The following BMP7 variants were observed in gnomAD, a reference collection of about 807,000 sequenced individuals.
The protein encoded by BMP7 is osteogenic protein 1.
A neutral mutation model predicts 41.2 loss-of-function variants in BMP7; 12 were observed. The observed-to-expected ratio is 0.29, with a 90% CI of 0.19 to 0.47. The LOEUF is 0.47. Ranked by LOEUF, BMP7 falls within the 20% of genes least tolerant of loss-of-function variation. The pLI is 0.99. For synonymous variants in BMP7, 248 were observed against 250.0 expected (o/e 0.99, Z 0.07); for missense variants, 467 against 606.0 (o/e 0.77, Z 2.41).
chr20:57,246,964 G>A (rs1165391878), intron 1 of BMP7, among the ~76,000 whole-genome samples: 2 of 150,144 alleles, frequency 1.3e-5, no homozygotes, highest in African/African-American at 5.0e-5. Flanking sequence ...ATTCCAGCCT[G>A]GGTGACAGAG....
chr20:57,224,024 G>T lies in BMP7; in HGVS notation c.611+4205C>A, dbSNP rs1042295295. On this transcript the variant is annotated intron_variant, in intron 2 of 6. Coordinates refer to ENST00000395863, the MANE Select transcript of BMP7 (RefSeq NM_001719.3). This position sits in a 1 kb window ranked among gnomAD's most constrained non-coding sequence, Gnocchi z 4.8. ...CAGGTTTATGGACCAAAATCATCACGGCGTCCCCAGGGAGCTTCTCAGAAA... is the reference window on the plus strand; with the variant it reads ...CAGGTTTATGGACCAAAATCATCACTGCGTCCCCAGGGAGCTTCTCAGAAA... Among the ~76,000 whole-genome samples, 16 of 152,162 alleles carry T rather than the reference G, an allele frequency of 1.1e-4. No homozygotes were observed. Among genetic ancestry groups the T allele is most frequent in the African/African-American group, 3.6e-4 (15 of 41,440 alleles).
rs141447683 is a variant in BMP7, at chr20:57,176,904, A to T, written c.959-1897T>A. On this transcript the variant is annotated intron_variant, in intron 4 of 6. Coordinates refer to ENST00000395863, the MANE Select transcript of BMP7 (RefSeq NM_001719.3). ...TTTTGGCTTTTCTCTGATTCATGAG[A>T]ATTCTATCTGCATAGCTTCTAGGAT... 2.2e-3 allele frequency among the ~76,000 whole-genome samples: 328 copies of T among 152,314 alleles called. 2 individuals are homozygous for T. The highest frequency in any genetic ancestry group is 0.01 in the Middle Eastern group (3 of 294).
chr20:57,204,204 C>T (rs187041575), intron 2 of BMP7, among the ~76,000 whole-genome samples: 1 of 152,184 alleles, frequency 6.6e-6, no homozygotes, highest in Non-Finnish European at 1.5e-5. Context: ...CACTAAGCCA[C>T]GGGCAGGAGC....
rs758852938 is a variant in BMP7, at chr20:57,265,739, G to T, written c.384C>A (p.Thr128=). The change falls in exon 1 of 7, where the codon ACC becomes ACA. Residue 128 remains threonine, a synonymous_variant. Coordinates refer to ENST00000395863, the MANE Select transcript of BMP7 (RefSeq NM_001719.3). ...LASLQDSHFL[T]DADMVMSFVN... ...CGAAGCTCATGACCATGTCGGCGTC[G>T]GTGAGGAAATGGCTATCTTGCAGGC... 4.3e-6 allele frequency: 7 copies of T among 1,609,718 alleles called. No homozygotes were observed. The highest frequency in any genetic ancestry group is 5.9e-6 in the Non-Finnish European group (7 of 1,178,174).
chr20:57,222,526 C>A (rs1420781836), intron 2 of BMP7, among the ~76,000 whole-genome samples: 1 of 152,090 alleles, frequency 6.6e-6, no homozygotes, highest in Non-Finnish European at 1.5e-5. Flanking sequence ...GCCTGCCACT[C>A]CCTCTCAGGC....
chr20:57,228,175 C>T lies in BMP7; in HGVS notation c.611+54G>A. On this transcript the variant is annotated intron_variant, in intron 2 of 6. Coordinates refer to ENST00000395863, the MANE Select transcript of BMP7 (RefSeq NM_001719.3). This position sits in a 1 kb window ranked among gnomAD's most constrained non-coding sequence, Gnocchi z 4.5. ...TCCTCTGGCCCTCACCACCTTCTTC[C>T]TCTGCCCCCAGAGGAAACTCAGCAC... 1 of 1,591,578 alleles carries T rather than the reference C, an allele frequency of 6.3e-7. No homozygotes were observed. The highest frequency in any genetic ancestry group is 8.6e-7 in the Non-Finnish European group (1 of 1,161,574).
At chr20:57,230,956 C>T (rs1239233383) in intron 1 of BMP7, among the ~76,000 whole-genome samples, 15 of 152,266 alleles carry the variant, frequency 9.9e-5, no homozygotes, top group African/African-American at 3.4e-4. Flanking sequence ...GGATTACAGG[C>T]GTGAGCCACC....
intron 1 of BMP7, among the ~76,000 whole-genome samples, chr20:57,252,694 G>T (rs1314743092): frequency 2.6e-5 from 4 of 152,180 alleles, no homozygotes; most frequent in Non-Finnish European, 4.4e-5. Flanking sequence ...CTCGAGTTTT[G>T]ATTGCAATCT....
At position 57,184,541 on chromosome 20, in the gene BMP7, C is replaced by T. The variant is rs535549950; in HGVS notation, c.761-622G>A. Among the ~76,000 whole-genome samples the T allele has an allele frequency of 7.9e-5, 12 of 152,192 alleles. No homozygotes were observed. In the South Asian group the frequency reaches 2.5e-3, roughly 32 times the overall value. Reference sequence around the variant, plus strand: ...GGGGCAGTAGGGGCACGAGTCAGGTCGGGTCCTATGGGCAACACGAGCACC... The same window carrying T: ...GGGGCAGTAGGGGCACGAGTCAGGTTGGGTCCTATGGGCAACACGAGCACC... On this transcript the variant is annotated intron_variant, in intron 3 of 6. Transcript: ENST00000395863.
chr20:57,195,491 C>T (rs1034864374), intron 3 of BMP7, among the ~76,000 whole-genome samples: 8 of 152,256 alleles, frequency 5.3e-5, no homozygotes, highest in African/African-American at 1.2e-4. Context: ...GACCGATCCC[C>T]GCCACTGGGT....
chr20:57,213,481 T>C lies in BMP7; in HGVS notation c.612-10858A>G, dbSNP rs980783434. On this transcript the variant is annotated intron_variant, in intron 2 of 6. Coordinates refer to ENST00000395863, the MANE Select transcript of BMP7 (RefSeq NM_001719.3). The surrounding 1 kb of genome is among the most constrained non-coding windows in gnomAD (Gnocchi z 4.4). ...TAGAGATGTCATAATGCACCTTAGC[T>C]CTTTAAAGGCTCTGAAAAGTCCTGC... Among the ~76,000 whole-genome samples the C allele has an allele frequency of 6.6e-6, 1 of 152,190 alleles. No individual in the cohort carries two copies. The highest frequency in any genetic ancestry group is 1.5e-5 in the Non-Finnish European group (1 of 68,042).
chr20:57,189,153 G>A (rs1054677309), intron 3 of BMP7, among the ~76,000 whole-genome samples: 1 of 152,242 alleles, frequency 6.6e-6, no homozygotes, highest in African/African-American at 2.4e-5. Context: ...TCAAATGCCT[G>A]ACTATAGTCA....
chr20:57,201,293 T>G (rs552740908), intron 3 of BMP7, among the ~76,000 whole-genome samples: 1 of 152,338 alleles, frequency 6.6e-6, no homozygotes, highest in African/African-American at 2.4e-5. Context: ...TCTGACAGGT[T>G]AGGGAAATTG....
rs377293905 is a variant in BMP7, at chr20:57,174,559, G to A, written c.1035+372C>T. Among the ~76,000 whole-genome samples the A allele has an allele frequency of 6.6e-6, 1 of 152,290 alleles. No individual in the cohort carries two copies. Among genetic ancestry groups the A allele is most frequent in the African/African-American group, 2.4e-5 (1 of 41,566 alleles). On this transcript the variant is annotated intron_variant, in intron 5 of 6. Transcript: ENST00000395863. This position sits in a 1 kb window ranked among gnomAD's most constrained non-coding sequence, Gnocchi z 4.3. The stretch of plus-strand genomic sequence containing the variant: ...AGATCCGTCCCTCCCGTGGGAATGG[G>A]AATGGGGTAAATGAAGTCAGAGGGC...
chr20:57,185,826 A>G (rs1454674687), intron 3 of BMP7, among the ~76,000 whole-genome samples: 6 of 145,392 alleles, frequency 4.1e-5, no homozygotes, highest in African/African-American at 1.0e-4. Flanking sequence ...TACCCTAAGT[A>G]CTCAATAAAT....
intron 3 of BMP7, among the ~76,000 whole-genome samples, chr20:57,194,031 TA>T (rs1165014191): frequency 6.6e-6 from 1 of 152,186 alleles, no homozygotes; most frequent in Non-Finnish European, 1.5e-5. Context: ...CGCTGCACAT[TA>T]GACCCTTTCC....
chr20:57,264,526 G>C (rs1422916408), intron 1 of BMP7, among the ~76,000 whole-genome samples: 2 of 152,320 alleles, frequency 1.3e-5, no homozygotes, highest in African/African-American at 4.8e-5. Context: ...TATGGAGGGG[G>C]AGCTCCCCGG....
At chr20:57,194,022 G>A (rs1365689493) in intron 3 of BMP7, among the ~76,000 whole-genome samples, 1 of 152,172 alleles carries the variant, frequency 6.6e-6, no homozygotes, top group Admixed American at 6.5e-5. Context: ...GTCCATGAAC[G>A]CTGCACATTA....
chr20:57,189,165 T>C (rs1392239775), intron 3 of BMP7, among the ~76,000 whole-genome samples: 1 of 152,210 alleles, frequency 6.6e-6, no homozygotes, highest in Non-Finnish European at 1.5e-5. Context: ...CTATAGTCAT[T>C]TGGAAGAAAT....
Sources: gnomAD v4.1 joint callset for allele counts (sites outside exome capture counted in the v4.1 genomes callset) on GRCh38, gnomAD v4.1.1 for gene constraint, Gnocchi (gnomAD v3.1) non-coding constraint, MANE v1.5 for transcripts, NCBI Gene and HGNC (gene_info 2026-07-23, HGNC 2026-07-21) for gene names.